The following ZNF33A variants were observed in gnomAD, a reference collection of about 807,000 sequenced individuals.
ZNF33A encodes the protein zinc finger protein 33A.
Under a neutral mutation model 15.9 loss-of-function variants are expected in ZNF33A, and 9 were observed. The ratio of observed to expected loss-of-function variants is 0.57; its 90% CI spans 0.34 to 0.99. ZNF33A has a LOEUF of 0.99. Among genes scored for constraint, ZNF33A ranks in the 50% least tolerant of loss-of-function variants. The pLI is 0.02. For missense variants in ZNF33A, 843 were observed against 941.6 expected (o/e 0.90, Z 1.37); for synonymous variants, 294 against 324.2 (o/e 0.91, Z 1.00).
chr10:38,042,317 C>T (rs1196688385), intron 4 of ZNF33A, among the ~76,000 whole-genome samples: 2 of 151,842 alleles, frequency 1.3e-5, no homozygotes, highest in Non-Finnish European at 2.9e-5. Context: ...TCCCGAGTAG[C>T]TGGGATTACA....
chr10:38,010,638 G>T, upstream of ZNF33A: 1 of 1,427,184 alleles, frequency 7.0e-7, no homozygotes. Flanking sequence ...CTGTGCGCGT[G>T]GGCTCTGCGC....
In ZNF33A at chr10:38,010,720, G is replaced by A. The variant is rs2064126249; in HGVS notation, c.-108G>A. 2 of 1,598,242 alleles carry A rather than the reference G, an allele frequency of 1.3e-6. No individual in the cohort carries two copies. The highest frequency in any genetic ancestry group is 1.3e-5 in the African/African-American group (1 of 74,900). ...TTTTCTCAGGTTTTGCGTGGGAGGC[G>A]GTCCCGGGATTTCAAGGGTCTACGC... On this transcript the variant is annotated 5_prime_UTR_variant, in exon 1 of 5. Coordinates refer to ENST00000432900, the MANE Select transcript of ZNF33A (RefSeq NM_006954.2).
downstream of ZNF33A, chr10:38,064,301 G>A: frequency 1.7e-6 from 1 of 576,654 alleles, no homozygotes; most frequent in Non-Finnish European, 3.0e-6. Context: ...ACAGCCTAAA[G>A]AGACATTTCT....
At chr10:38,023,658 G>T (rs750117612) in intron 4 of ZNF33A, among the ~76,000 whole-genome samples, 12 of 152,166 alleles carry the variant, frequency 7.9e-5, no homozygotes, top group Non-Finnish European at 1.3e-4. Context: ...AAATATATTT[G>T]CTGGTAAGAT....
chr10:38,041,896 T>A (rs1221360880), intron 4 of ZNF33A, among the ~76,000 whole-genome samples: 1 of 152,162 alleles, frequency 6.6e-6, no homozygotes, highest in Non-Finnish European at 1.5e-5. Context: ...ATGTGCAGAA[T>A]GTGGAGGTTT....
chr10:38,053,617 T>G (rs1304145049), intron 4 of ZNF33A, among the ~76,000 whole-genome samples: 1 of 152,202 alleles, frequency 6.6e-6, no homozygotes, highest in Non-Finnish European at 1.5e-5. Flanking sequence ...TAAGTCTTAA[T>G]AAGACTTGAA....
chr10:38,032,635 GT>G (rs1267284470), intron 4 of ZNF33A, among the ~76,000 whole-genome samples: 2 of 151,892 alleles, frequency 1.3e-5, no homozygotes, highest in African/African-American at 2.4e-5. Context: ...ACACCCAGCT[GT>G]TTTTACATTT....
At chr10:38,029,052 ATCTTT>A (rs2065105109) in intron 4 of ZNF33A, among the ~76,000 whole-genome samples, 1 of 152,150 alleles carries the variant, frequency 6.6e-6, no homozygotes, top group South Asian at 2.1e-4. Flanking sequence ...TTATCCATTT[ATCTTT>A]TAAGTCCCGC....
At chr10:38,046,979 C>T (rs192050236) in intron 4 of ZNF33A, among the ~76,000 whole-genome samples, 1 of 151,686 alleles carries the variant, frequency 6.6e-6, no homozygotes, top group South Asian at 2.1e-4. Flanking sequence ...TGAGACCAGC[C>T]TGGGCAACAT....
chr10:38,038,489 A>G (rs1176323453), intron 4 of ZNF33A, among the ~76,000 whole-genome samples: 1 of 152,184 alleles, frequency 6.6e-6, no homozygotes, highest in Non-Finnish European at 1.5e-5. Flanking sequence ...TATTAGTTTT[A>G]ATAGTGTTTC....
At chr10:38,062,579 A>G (rs1022737857), downstream of ZNF33A, among the ~76,000 whole-genome samples, 5 of 152,098 alleles carry the variant, frequency 3.3e-5, no homozygotes, top group African/African-American at 1.2e-4. Context: ...AGGTTGGGAG[A>G]GAGATTTGTA....
At chr10:38,012,428 T>TG (rs2064229542) in intron 2 of ZNF33A, 78 bp downstream of exon 2, 13 of 1,006,748 alleles carry the variant, frequency 1.3e-5, no homozygotes, top group Admixed American at 2.9e-5. Context: ...GGTGTTTGTT[T>TG]TTTTTTTTTT....
upstream of ZNF33A, chr10:38,010,508 G>C: frequency 1.6e-6 from 1 of 637,556 alleles, no homozygotes; most frequent in South Asian, 1.7e-5. Flanking sequence ...GGCAGTTCCA[G>C]CACCAACTCA....
intron 4 of ZNF33A, among the ~76,000 whole-genome samples, chr10:38,022,730 A>G (rs1331280308): frequency 1.3e-5 from 2 of 151,762 alleles, no homozygotes; most frequent in East Asian, 1.9e-4. Flanking sequence ...AACTATTACA[A>G]CTCAGTCAGG....
At chr10:38,015,835 C>T (rs1334214620) in intron 2 of ZNF33A, 2 of 422,144 alleles carry the variant, frequency 4.7e-6, no homozygotes. Flanking sequence ...ATCCTGGTTT[C>T]TTCTACAGTA....
intron 4 of ZNF33A, among the ~76,000 whole-genome samples, chr10:38,020,668 A>G (rs2064695884): frequency 6.6e-6 from 1 of 152,096 alleles, no homozygotes; most frequent in Non-Finnish European, 1.5e-5. Flanking sequence ...AGGATCTCTC[A>G]TTCTCTTTTA....
intron 4 of ZNF33A, among the ~76,000 whole-genome samples, chr10:38,018,423 G>A (rs1347727650): frequency 3.9e-5 from 6 of 152,164 alleles, no homozygotes; most frequent in Non-Finnish European, 7.4e-5. Context: ...CTGAAGGGAG[G>A]GGTTGATTGG....
At chr10:38,037,975 A>G (rs1391887471) in intron 4 of ZNF33A, among the ~76,000 whole-genome samples, 3 of 152,132 alleles carry the variant, frequency 2.0e-5, no homozygotes, top group African/African-American at 7.2e-5. Context: ...TGCCATCTTA[A>G]CCATATGAAC....
chr10:38,013,259 C>T (rs1442251408), intron 2 of ZNF33A, among the ~76,000 whole-genome samples: 12 of 151,762 alleles, frequency 7.9e-5, no homozygotes, highest in African/African-American at 2.2e-4. Flanking sequence ...TACAGGCATG[C>T]GCCACCACAC....
Sources: gnomAD v4.1 joint callset for allele counts (sites outside exome capture counted in the v4.1 genomes callset) on GRCh38, gnomAD v4.1.1 for gene constraint, MANE v1.5 for transcripts, NCBI Gene and HGNC (gene_info 2026-07-23, HGNC 2026-07-21) for gene names.